The following RAB37 variants were observed in gnomAD, a reference collection of about 807,000 sequenced individuals.
RAB37 encodes RAB37, member RAS oncogene family, also known as ras-related protein Rab-37.
Under a neutral mutation model 33.1 loss-of-function variants are expected in RAB37, and 29 were observed. That is an observed-to-expected ratio of 0.88 (90% confidence interval 0.65 to 1.20). The LOEUF (loss-of-function observed/expected upper bound fraction) is 1.20, where lower values mean the gene tolerates loss of function less well. RAB37 is among the 50% of genes most tolerant of loss of function. The pLI is 0.00. For missense variants in RAB37, 299 were observed against 301.1 expected (o/e 0.99, Z 0.05); for synonymous variants, 128 against 119.5 (o/e 1.07, Z -0.47).
At chr17:74,720,905 G>T (rs1237671128) in intron 1 of RAB37, among the ~76,000 whole-genome samples, 1 of 152,164 alleles carries the variant, frequency 6.6e-6, no homozygotes, top group Non-Finnish European at 1.5e-5. Flanking sequence ...GCTGGAAAAG[G>T]GATGGTGTGG....
chr17:74,723,777 A>G (rs1009388903), intron 1 of RAB37, among the ~76,000 whole-genome samples: 3 of 151,866 alleles, frequency 2.0e-5, no homozygotes, highest in African/African-American at 7.3e-5. Flanking sequence ...GGGTTTCACT[A>G]TGTTGGCAGG....
intron 1 of RAB37, among the ~76,000 whole-genome samples, chr17:74,707,909 A>T (rs919558838): frequency 4.6e-5 from 7 of 152,104 alleles, no homozygotes; most frequent in Admixed American, 4.6e-4. Context: ...GCACTGTGAG[A>T]GGCCGAGGCA....
intron 1 of RAB37, among the ~76,000 whole-genome samples, chr17:74,686,619 C>T (rs1263441439): frequency 6.6e-6 from 1 of 152,098 alleles, no homozygotes; most frequent in Non-Finnish European, 1.5e-5. Flanking sequence ...GTCTCTAACT[C>T]CTGACCTCAA....
upstream of RAB37, among the ~76,000 whole-genome samples, chr17:74,734,137 G>A (rs2034432543): frequency 6.6e-6 from 1 of 152,212 alleles, no homozygotes. Context: ...CAAAGTACCA[G>A]CAGGGCCACG....
At chr17:74,735,267 C>T (rs1399272372), upstream of RAB37, among the ~76,000 whole-genome samples, 1 of 152,002 alleles carries the variant, frequency 6.6e-6, no homozygotes, top group Non-Finnish European at 1.5e-5. Context: ...AGGCCAGGTG[C>T]GGTGGCTCAC....
intron 1 of RAB37, chr17:74,698,544 C>A: frequency 6.5e-7 from 1 of 1,549,814 alleles, no homozygotes; most frequent in African/African-American, 1.4e-5. Context: ...AGCCCAATCC[C>A]ACCCACCCAG....
intron 1 of RAB37, chr17:74,694,947 G>C (rs1437861358): frequency 1.2e-6 from 1 of 863,598 alleles, no homozygotes; most frequent in Admixed American, 2.7e-5. Context: ...TTGGCCCCAA[G>C]CCCAACCCAG....
intron 1 of RAB37, among the ~76,000 whole-genome samples, chr17:74,723,165 T>C (rs1435852027): frequency 1.3e-5 from 2 of 152,210 alleles, no homozygotes; most frequent in Admixed American, 6.5e-5. Context: ...TAACAGATTA[T>C]AGCAGTGTAT....
In RAB37 at chr17:74,676,934, T is replaced by C. The variant is rs1260163416; in HGVS notation, c.72+5276T>C. On this transcript the variant is annotated intron_variant, in intron 1 of 7. Transcript: ENST00000340415. This position sits in a 1 kb window ranked among gnomAD's most constrained non-coding sequence, Gnocchi z 4.1. Reference sequence around the variant, plus strand: ...TTGGGAGGCTGAGGCAGGTGGATCATGAGGTCAGGAATTCGAGACCAGCTT... The same window carrying C: ...TTGGGAGGCTGAGGCAGGTGGATCACGAGGTCAGGAATTCGAGACCAGCTT... 6.6e-6 allele frequency among the ~76,000 whole-genome samples: 1 copy of C among 152,030 alleles called. No homozygotes were observed. Among genetic ancestry groups the C allele is most frequent in the Non-Finnish European group, 1.5e-5 (1 of 68,004 alleles).
At chr17:74,712,884 C>G in intron 1 of RAB37, 1 of 1,613,660 alleles carries the variant, frequency 6.2e-7, no homozygotes, top group Non-Finnish European at 8.5e-7. Context: ...TCAGACAGGT[C>G]CCCGTTCCCC....
intron 1 of RAB37, among the ~76,000 whole-genome samples, chr17:74,716,227 T>C (rs1477956789): frequency 2.0e-5 from 3 of 152,212 alleles, no homozygotes; most frequent in Non-Finnish European, 4.4e-5. Flanking sequence ...TGTCCCCATA[T>C]GTGAAAGCAG....
intron 2 of RAB37, among the ~76,000 whole-genome samples, chr17:74,731,722 C>T (rs1195401865): frequency 6.6e-6 from 1 of 152,148 alleles, no homozygotes; most frequent in Non-Finnish European, 1.5e-5. Context: ...AAAACCTTCA[C>T]TCAGGCCAGG....
intron 1 of RAB37, among the ~76,000 whole-genome samples, chr17:74,697,484 G>C (rs1277411792): frequency 6.6e-6 from 1 of 152,188 alleles, no homozygotes; most frequent in Non-Finnish European, 1.5e-5. Context: ...CTCTAATTTT[G>C]AAAAAGCATC....
At chr17:74,737,214 G>GGGGGGGGGGGGC, upstream of RAB37, 1 of 1,245,294 alleles carries the variant, frequency 8.0e-7, no homozygotes, top group Non-Finnish European at 1.1e-6. Flanking sequence ...CGGGGGTGGG[G>GGGGGGGGGGGGC]CCGTTCCTGC....
chr17:74,712,667 G>A (rs563585639), intron 1 of RAB37, among the ~76,000 whole-genome samples: 2 of 152,356 alleles, frequency 1.3e-5, no homozygotes, highest in South Asian at 4.1e-4. Context: ...TTCCTGCCTT[G>A]GCAACGGAAA....
At chr17:74,694,727 A>G (rs1340773262) in intron 1 of RAB37, 2 of 168,802 alleles carry the variant, frequency 1.2e-5, no homozygotes, top group Admixed American at 1.2e-4. Flanking sequence ...TTTGGGGGCC[A>G]TTATTCAGCC....
chr17:74,721,364 T>C (rs757160581), intron 1 of RAB37, among the ~76,000 whole-genome samples: 6 of 152,132 alleles, frequency 3.9e-5, no homozygotes, highest in Non-Finnish European at 8.8e-5. Context: ...ACTTCACTAG[T>C]CTCTACTGCT....
chr17:74,737,227 T>A (rs573558140), upstream of RAB37: 11 of 1,536,472 alleles, frequency 7.2e-6, no homozygotes, highest in Non-Finnish European at 9.6e-6. Flanking sequence ...GTTCCTGCGC[T>A]CTCCTTCGCC....
At chr17:74,733,397 GGT>G (rs368938935), upstream of RAB37, among the ~76,000 whole-genome samples, 128 of 85,688 alleles carry the variant, frequency 1.5e-3, 4 homozygotes, top group East Asian at 0.045. Context: ...TATGATGTAG[GGT>G]GTGTGTGTAT....
Sources: gnomAD v4.1 joint callset for allele counts (sites outside exome capture counted in the v4.1 genomes callset) on GRCh38, gnomAD v4.1.1 for gene constraint, Gnocchi (gnomAD v3.1) non-coding constraint, MANE v1.5 for transcripts, NCBI Gene and HGNC (gene_info 2026-07-23, HGNC 2026-07-21) for gene names.